ADGRV1: variants seen among roughly 807,000 people sequenced by gnomAD.
ADGRV1 encodes G-protein coupled receptor 98.
ADGRV1 carries 359 observed loss-of-function variants against 596.2 expected under a neutral mutation model. The ratio of observed to expected loss-of-function variants is 0.60; its 90% CI spans 0.55 to 0.66. The LOEUF (loss-of-function observed/expected upper bound fraction) is 0.66, where lower values mean the gene tolerates loss of function less well. Ranked by LOEUF, ADGRV1 falls within the 30% of genes least tolerant of loss-of-function variation. The probability of loss-of-function intolerance (pLI) is 0.00; values close to 1 mark genes in which losing one functional copy is unlikely to be tolerated. For missense variants in ADGRV1, 7,274 were observed against 7,575.6 expected (o/e 0.96, Z 1.48); for synonymous variants, 2,681 against 2,679.2 (o/e 1.00, Z -0.02).
intron 1 of ADGRV1, among the ~76,000 whole-genome samples, chr5:90,588,861 T>C (rs1231099567): frequency 6.6e-6 from 1 of 152,128 alleles, no homozygotes; most frequent in East Asian, 1.9e-4. Context: ...AAGTGAGAAG[T>C]TGAAGTAAAC....
chr5:90,625,501 T>C lies in ADGRV1; in HGVS notation c.672+258T>C, dbSNP rs1580496799. On this transcript the variant is annotated intron_variant, in intron 6 of 89. Transcript: ENST00000405460. ...GTATACCCTGGTAATCAATTTTTGT[T>C]AGTGCTTTCAATTTTGAGCAAGAAC... The C allele has an allele frequency of 1.7e-5, 5 of 291,096 alleles. No homozygotes were observed. In the East Asian group the frequency reaches 3.0e-4, roughly 17 times the overall value. 18.0% of individuals were successfully genotyped at this position (291,096 alleles called of 1,614,324 possible). A position where few individuals can be genotyped will look rare whatever the true frequency, so the allele number is the denominator to read the frequency against.
Position 90,985,343 on chromosome 5 carries a change from G to A in ADGRV1, c.17974-1G>A. The A allele has an allele frequency of 6.2e-7, 1 of 1,602,094 alleles. No homozygotes were observed. Among genetic ancestry groups the A allele is most frequent in the African/African-American group, 1.3e-5 (1 of 74,852 alleles). ...TCATTTTATGTTGTTTTCTTCCTTAGTCTGTGAATTTCTGGTACGTGCTGG... is the reference window on the plus strand; with the variant it reads ...TCATTTTATGTTGTTTTCTTCCTTAATCTGTGAATTTCTGGTACGTGCTGG... On this transcript the variant is annotated splice_acceptor_variant, in intron 84 of 89. Coordinates refer to ENST00000405460, the MANE Select transcript of ADGRV1 (RefSeq NM_032119.4). LOFTEE classifies it high-confidence loss of function.
intron 2 of ADGRV1, among the ~76,000 whole-genome samples, chr5:90,615,450 A>G (rs1029142352): frequency 2.0e-5 from 3 of 151,954 alleles, no homozygotes; most frequent in African/African-American, 7.2e-5. Context: ...AAAATTAAGT[A>G]TATTAACTTA....
At chr5:90,649,860 A>G (rs538560725) in intron 17 of ADGRV1, among the ~76,000 whole-genome samples, 11 of 152,260 alleles carry the variant, frequency 7.2e-5, no homozygotes, top group African/African-American at 2.6e-4. Flanking sequence ...ATTTATTAAT[A>G]TTTGATTTTG....
At chr5:90,635,387 T>A in intron 10 of ADGRV1, 97 bp downstream of exon 10, 1 of 1,111,266 alleles carries the variant, frequency 9.0e-7, no homozygotes, top group Non-Finnish European at 1.3e-6. Flanking sequence ...GTTAACATCT[T>A]AAAAAGCTTC....
chr5:90,810,730 C>T lies in ADGRV1; in HGVS notation c.15470C>T (p.Ser5157Phe), dbSNP rs866362940. ...ACTCTCATTCCTGTAGAAACTGAAT[C>T]CACCACATACCTCAGCACAAGCAAG... ...DTTLIPVETESTTYLSTSKTT... is the reference protein window; with the variant it reads ...DTTLIPVETEFTTYLSTSKTT... Residue 5157 changes from serine to phenylalanine, a missense_variant, in exon 74 of 90, where the codon TCC becomes TTC. Physicochemically the swap from Ser to Phe is radical, Grantham distance 155. Coordinates refer to ENST00000405460, the MANE Select transcript of ADGRV1 (RefSeq NM_032119.4). 1 of 1,613,860 alleles carries T rather than the reference C, an allele frequency of 6.2e-7. No homozygotes were observed. Among genetic ancestry groups the T allele is most frequent in the Non-Finnish European group, 8.5e-7 (1 of 1,179,858 alleles).
chr5:90,574,916 C>T (rs1580318483), intron 1 of ADGRV1, among the ~76,000 whole-genome samples: 1 of 152,094 alleles, frequency 6.6e-6, no homozygotes, highest in African/African-American at 2.4e-5. Flanking sequence ...TTATATTTCT[C>T]TGGAATCAGT....
intron 82 of ADGRV1, among the ~76,000 whole-genome samples, 166 bp downstream of exon 82, chr5:90,856,067 A>G (rs531718933): frequency 6.6e-6 from 1 of 152,330 alleles, no homozygotes; most frequent in African/African-American, 2.4e-5. Flanking sequence ...TTCAACAAAT[A>G]TTTATGGAGG....
intron 36 of ADGRV1, among the ~76,000 whole-genome samples, chr5:90,705,083 C>T (rs1444639892): frequency 6.6e-6 from 1 of 152,178 alleles, no homozygotes; most frequent in Admixed American, 6.5e-5. Context: ...GCTGGGATTA[C>T]AGGCGTGAGC....
chr5:91,076,185 T>G (rs186540990), intron 86 of ADGRV1, among the ~76,000 whole-genome samples: 16 of 152,348 alleles, frequency 1.1e-4, no homozygotes, highest in Admixed American at 9.8e-4. Context: ...ATCACTTTAC[T>G]TCTTTACAGA....
chr5:90,685,640 A>AAATT, intron 28 of ADGRV1, 140 bp from the exon 29 acceptor site: 1 of 271,724 alleles, frequency 3.7e-6, no homozygotes, highest in Non-Finnish European at 6.6e-6. Flanking sequence ...ATAAATAAAT[A>AAATT]AAATAAATAG....
intron 85 of ADGRV1, among the ~76,000 whole-genome samples, chr5:91,046,004 A>G (rs1446002168): frequency 6.6e-6 from 1 of 152,216 alleles, no homozygotes; most frequent in Non-Finnish European, 1.5e-5. Context: ...AACACTGCTG[A>G]AAGAAATCAT....
Position 90,658,184 on chromosome 5 carries a change from G to A in ADGRV1, c.4658G>A (p.Arg1553His), listed in dbSNP as rs369994629. The A allele has an allele frequency of 6.4e-5, 102 of 1,586,364 alleles. No homozygotes were observed. Among genetic ancestry groups the A allele is most frequent in the Admixed American group, 1.2e-4 (7 of 57,294 alleles). The change falls in exon 21 of 90, where the codon CGT becomes CAT. Residue 1553 changes from arginine (R) to histidine (H), a missense_variant. By Grantham distance (29) the Arg-to-His change is conservative. Around this residue, in one of 5 missense-constraint regions of ADGRV1, gnomAD observed 3,643 missense variants for 3,809.2 expected, o/e 0.96. Coordinates refer to ENST00000405460, the MANE Select transcript of ADGRV1 (RefSeq NM_032119.4). ...CTAGTTTCTGTATATGGAGGAGCTC[G>A]TATTTCGGAAGAAAATACTACTGCA... ...LKLVSVYGGA[R>H]ISEENTTARL...
Position 90,929,220 on chromosome 5 carries a change from C to G in ADGRV1, c.17857-36195C>G, listed in dbSNP as rs1774932094. The G allele has an allele frequency of 1.9e-5, 3 of 158,836 alleles. No individual in the cohort carries two copies. In the South Asian group the frequency reaches 5.5e-4, roughly 29 times the overall value. 9.8% of individuals were successfully genotyped at this position (158,836 alleles called of 1,614,324 possible). A position where few individuals can be genotyped will look rare whatever the true frequency, so the allele number is the denominator to read the frequency against. On this transcript the variant is annotated intron_variant, in intron 83 of 89. Coordinates refer to ENST00000405460, the MANE Select transcript of ADGRV1 (RefSeq NM_032119.4). ...GCAAGCCTGGGCAATGGCGGGCGCC[C>G]CTCCCCCAGCCTCGCTGCCGCCTTG...
At chr5:90,967,247 TCC>T (rs1184366623) in intron 84 of ADGRV1, among the ~76,000 whole-genome samples, 2 of 151,546 alleles carry the variant, frequency 1.3e-5, no homozygotes, top group Admixed American at 6.6e-5. Flanking sequence ...ATTGACTCTC[TCC>T]AAGATTTGTT....
At chr5:90,635,348 CTA>C in intron 10 of ADGRV1, 58 bp downstream of exon 10, 1 of 1,421,224 alleles carries the variant, frequency 7.0e-7, no homozygotes, top group Non-Finnish European at 9.5e-7. Flanking sequence ...TGTACAGACA[CTA>C]TTTTTAAAAT....
chr5:90,600,056 T>C (rs1438090430), intron 1 of ADGRV1, among the ~76,000 whole-genome samples: 1 of 152,174 alleles, frequency 6.6e-6, no homozygotes, highest in African/African-American at 2.4e-5. Flanking sequence ...CAATAGATAA[T>C]ATGACACGCA....
At chr5:90,631,454 C>G (rs1414890522) in intron 9 of ADGRV1, among the ~76,000 whole-genome samples, 1 of 152,050 alleles carries the variant, frequency 6.6e-6, no homozygotes, top group African/African-American at 2.4e-5. Context: ...TACGCGACAC[C>G]TTTTTGTAAT....
At chr5:90,805,589 T>G (rs1350793252) in intron 72 of ADGRV1, 131 bp downstream of exon 72, 7 of 752,426 alleles carry the variant, frequency 9.3e-6, no homozygotes, top group Non-Finnish European at 1.4e-5. Flanking sequence ...CATATTTAAG[T>G]GATCAGAGTA....
Sources: allele counts gnomAD v4.1 joint callset (sites outside exome capture counted in the v4.1 genomes callset), GRCh38; gene constraint gnomAD v4.1.1; regional missense constraint gnomAD v4.1.1; transcripts MANE v1.5; gene names NCBI Gene and HGNC (gene_info 2026-07-23, HGNC 2026-07-21).